The following PIK3R5 variants were observed in gnomAD, a reference collection of about 807,000 sequenced individuals.
PIK3R5 encodes the protein phosphoinositide-3-kinase regulatory subunit 5.
PIK3R5 carries 32 observed loss-of-function variants against 94.9 expected under a neutral mutation model. That is an observed-to-expected ratio of 0.34 (90% CI 0.25 to 0.45). The LOEUF (loss-of-function observed/expected upper bound fraction) is 0.45. Ranked by LOEUF, PIK3R5 falls within the 20% of genes least tolerant of loss-of-function variation. The pLI is 1.00. For missense variants in PIK3R5, 853 were observed against 1,144.6 expected (o/e 0.75, Z 3.68); for synonymous variants, 443 against 479.4 (o/e 0.92, Z 0.99).
Position 8,890,865 on chromosome 17 carries a change from G to T in PIK3R5, c.530C>A (p.Ala177Asp). 1 of 1,613,856 alleles carries T rather than the reference G, an allele frequency of 6.2e-7. No homozygotes were observed. The highest frequency in any genetic ancestry group is 1.3e-5 in the African/African-American group (1 of 75,074). Residue 177 changes from alanine to aspartate, a missense_variant, in exon 7 of 19, where the codon GCT (alanine) becomes GAT (aspartate). This residue lies in a region of PIK3R5 where 161 missense variants were observed against 249.5 expected (regional missense o/e 0.65). Coordinates refer to ENST00000447110, the MANE Select transcript of PIK3R5 (RefSeq NM_001142633.3). The surrounding 1 kb of genome is among the most constrained non-coding windows in gnomAD (Gnocchi z 6.1). ...GGGCGTACTCAGCTTATTGGCTACA[G>T]CAAGGAACTCGGCCTGCACTTCCAC... Reference protein sequence around the residue: ...NPVEVQAEFLAVANKLSTPGH... With the variant: ...NPVEVQAEFLDVANKLSTPGH...
intron 1 of PIK3R5, among the ~76,000 whole-genome samples, chr17:8,940,475 T>A (rs1461886799): frequency 6.6e-6 from 1 of 152,200 alleles, no homozygotes; most frequent in African/African-American, 2.4e-5. Flanking sequence ...AGCAGCCTTG[T>A]AACACTTTCC....
chr17:8,909,286 C>T lies in PIK3R5; in HGVS notation c.104-112G>A. On this transcript the variant is annotated intron_variant, in intron 2 of 18. Transcript: ENST00000447110. The surrounding 1 kb of genome is among the most constrained non-coding windows in gnomAD (Gnocchi z 4.3). ...TGGAACATTTTTCTGTGGTATTGCACTGGAACACTCTTTTTTTTTTTTGAG... is the reference window on the plus strand; with the variant it reads ...TGGAACATTTTTCTGTGGTATTGCATTGGAACACTCTTTTTTTTTTTTGAG... 1 of 645,254 alleles carries T rather than the reference C, an allele frequency of 1.5e-6. No homozygotes were observed. Among genetic ancestry groups the T allele is most frequent in the Non-Finnish European group, 2.7e-6 (1 of 365,926 alleles). The allele number at this position is 645,254 out of a possible 1,614,324, so 40.0% of individuals were successfully genotyped here.
At position 8,884,521 on chromosome 17, in the gene PIK3R5, A is replaced by G. The variant is rs547849987; in HGVS notation, c.2205+186T>C. Among the ~76,000 whole-genome samples the G allele has an allele frequency of 6.6e-6, 1 of 152,238 alleles. No homozygotes were observed. Among genetic ancestry groups the G allele is most frequent in the Admixed American group, 6.5e-5 (1 of 15,298 alleles). ...GGTGGGAGAGAGGCTTTGGAGGCCA[A>G]GAAGCACAGAGATATCCACTCCTTC... On this transcript the variant is annotated intron_variant, in intron 15 of 18. Transcript: ENST00000447110. The surrounding 1 kb of genome is among the most constrained non-coding windows in gnomAD (Gnocchi z 5.8).
Position 8,892,824 on chromosome 17 carries a change from C to T in PIK3R5, c.482+762G>A, listed in dbSNP as rs1399693249. ...CTATAATTTCTGAGGTGGTGAAGGC[C>T]GGGGTCCCTGGGCTCCCAACATGTC... On this transcript the variant is annotated intron_variant, in intron 6 of 18. Transcript: ENST00000447110. The surrounding 1 kb of genome is among the most constrained non-coding windows in gnomAD (Gnocchi z 4.3). Among the ~76,000 whole-genome samples, 2 of 152,050 alleles carry T rather than the reference C, an allele frequency of 1.3e-5. No individual in the cohort carries two copies. Among genetic ancestry groups the T allele is most frequent in the African/African-American group, 2.4e-5 (1 of 41,396 alleles).
chr17:8,908,110 A>G (rs1433094031), intron 3 of PIK3R5, among the ~76,000 whole-genome samples: 5 of 152,052 alleles, frequency 3.3e-5, no homozygotes, highest in Non-Finnish European at 5.9e-5. Context: ...TGCACACCAC[A>G]TGATTTAGAA....
Position 8,955,611 on chromosome 17 carries a change from G to A in PIK3R5, c.-14+9985C>T, listed in dbSNP as rs550258379. 4.9e-4 allele frequency among the ~76,000 whole-genome samples: 75 copies of A among 152,228 alleles called. 1 individual carries two copies. In the South Asian group the frequency reaches 0.015, roughly 30 times the overall value. On this transcript the variant is annotated intron_variant, in intron 1 of 18. Transcript: ENST00000447110. The surrounding 1 kb of genome is among the most constrained non-coding windows in gnomAD (Gnocchi z 4.4). ...AGAGGAAGAGCCTGTGGTCCAAAAG[G>A]CCCACCAGAGGCATATGGTAAATAA... is the stretch of plus-strand genomic sequence containing the variant.
rs2091054747 is a variant in PIK3R5 at position 8,935,389 on chromosome 17, C to G, written c.-13-23882G>C. On this transcript the variant is annotated intron_variant, in intron 1 of 18. Coordinates refer to ENST00000447110, the MANE Select transcript of PIK3R5 (RefSeq NM_001142633.3). The surrounding 1 kb of genome is among the most constrained non-coding windows in gnomAD (Gnocchi z 4.5). ...CTCTGGCTTCAAGGGGAAATCACGT[C>G]TATTGCAACGTCCCAGTGAGTCAGT... 6.6e-6 allele frequency among the ~76,000 whole-genome samples: 1 copy of G among 152,122 alleles called. No individual in the cohort carries two copies. The highest frequency in any genetic ancestry group is 2.4e-5 in the African/African-American group (1 of 41,408).
chr17:8,936,431 G>T (rs1597418668), intron 1 of PIK3R5, among the ~76,000 whole-genome samples: 1 of 152,130 alleles, frequency 6.6e-6, no homozygotes, highest in Non-Finnish European at 1.5e-5. Flanking sequence ...ACTCCCTCCA[G>T]CATCTGGTAG....
At chr17:8,891,210 G>A (rs413310) in intron 6 of PIK3R5, among the ~76,000 whole-genome samples, 24,604 of 152,140 alleles carry the variant, frequency 0.16, 2,409 homozygotes, top group African/African-American at 0.27. Flanking sequence ...TTATATAAAC[G>A]TTTTTTCCTA....
At chr17:8,965,318 G>C (rs944729796) in intron 1 of PIK3R5, among the ~76,000 whole-genome samples, 1 of 152,238 alleles carries the variant, frequency 6.6e-6, no homozygotes, top group African/African-American at 2.4e-5. Flanking sequence ...GGACACAGCT[G>C]CGCAGAGCCG....
In PIK3R5 at chr17:8,884,804, C is replaced by G; in HGVS notation, c.2129-21G>C. 1 of 1,609,884 alleles carries G rather than the reference C, an allele frequency of 6.2e-7. No homozygotes were observed. Among genetic ancestry groups the G allele is most frequent in the Non-Finnish European group, 8.5e-7 (1 of 1,177,866 alleles). On this transcript the variant is annotated intron_variant, in intron 14 of 18. Transcript: ENST00000447110. This position sits in a 1 kb window ranked among gnomAD's most constrained non-coding sequence, Gnocchi z 5.8. Reference sequence around the variant, plus strand: ...AGGACCTGTGCCACACACAGACAGACCCTTCACTACCCCTGGCTTCCCCGG... The same window carrying G: ...AGGACCTGTGCCACACACAGACAGAGCCTTCACTACCCCTGGCTTCCCCGG...
intron 3 of PIK3R5, 94 bp from the exon 4 acceptor site, chr17:8,905,831 CTTTT>C (rs578092015): frequency 8.0e-4 from 305 of 381,192 alleles, no homozygotes; most frequent in Middle Eastern, 2.7e-3. Flanking sequence ...TCTAGCCTTT[CTTTT>C]TTTTTTTTTT....
chr17:8,929,127 T>C (rs2012446930), intron 1 of PIK3R5, among the ~76,000 whole-genome samples: 1 of 152,098 alleles, frequency 6.6e-6, no homozygotes, highest in South Asian at 2.1e-4. Context: ...AAATAAAAAA[T>C]GAATTCTAAA....
In PIK3R5 at chr17:8,880,704, C is replaced by A; in HGVS notation, c.2578G>T (p.Ala860Ser). 1 of 1,613,936 alleles carries A rather than the reference C, an allele frequency of 6.2e-7. No individual in the cohort carries two copies. The highest frequency in any genetic ancestry group is 8.5e-7 in the Non-Finnish European group (1 of 1,179,930). ...PQTPPDLPAQ[A>S]APDLCSLLCL... ...AGAAGGGAGCAGAGATCAGGTGCGG[C>A]CTGGGCCGGCAGGTCAGGAGGCGTC... Residue 860 changes from alanine to serine, a missense_variant, in exon 19 of 19, where the codon GCC (alanine) becomes TCC (serine). This residue lies in a region of PIK3R5 where 91 missense variants were observed against 90.5 expected (regional missense o/e 1.01). Coordinates refer to ENST00000447110, the MANE Select transcript of PIK3R5 (RefSeq NM_001142633.3).
chr17:8,926,314 A>G (rs1187389567), intron 1 of PIK3R5, among the ~76,000 whole-genome samples: 3 of 152,216 alleles, frequency 2.0e-5, no homozygotes, highest in Non-Finnish European at 4.4e-5. Flanking sequence ...AGCTTTGCTC[A>G]GAAGAGCTGG....
In PIK3R5 at chr17:8,884,009, C is replaced by T. The variant is rs550258318; in HGVS notation, c.2205+698G>A. ...GTTTTATTGCTTTGTCATCACTTGCCGCTCTCTGGAATTATCTTGGCTATT... is the reference window on the plus strand; with the variant it reads ...GTTTTATTGCTTTGTCATCACTTGCTGCTCTCTGGAATTATCTTGGCTATT... On this transcript the variant is annotated intron_variant, in intron 15 of 18. Transcript: ENST00000447110. This position sits in a 1 kb window ranked among gnomAD's most constrained non-coding sequence, Gnocchi z 5.8. 8.6e-4 allele frequency among the ~76,000 whole-genome samples: 131 copies of T among 152,296 alleles called. 1 individual carries two copies. The highest frequency in any genetic ancestry group is 2.9e-3 in the African/African-American group (122 of 41,552).
At position 8,879,521 on chromosome 17, in the gene PIK3R5, G is replaced by C. The variant is rs1306345370; in HGVS notation, c.*1118C>G. The C allele has an allele frequency of 6.6e-6, 1 of 152,244 alleles. No individual in the cohort carries two copies. Among genetic ancestry groups the C allele is most frequent in the Non-Finnish European group, 1.5e-5 (1 of 68,086 alleles). 9.4% of individuals were successfully genotyped at this position (152,244 alleles called of 1,614,324 possible). On this transcript the variant is annotated 3_prime_UTR_variant, in exon 19 of 19. Transcript: ENST00000447110. This position sits in a 1 kb window ranked among gnomAD's most constrained non-coding sequence, Gnocchi z 4.4. ...GCGGATATGGAAGATTGTACACGCA[G>C]AGTGAGATGGGAGTGGGAGGGCCAA...
intron 1 of PIK3R5, among the ~76,000 whole-genome samples, chr17:8,943,996 A>G (rs12449519): frequency 0.52 from 79,120 of 151,466 alleles, 23,475 homozygotes; most frequent in Non-Finnish European, 0.66. Flanking sequence ...CCAGGTACTA[A>G]GCTTAGTACC....
At chr17:8,923,893 TCCCC>T (rs2090804933) in intron 1 of PIK3R5, among the ~76,000 whole-genome samples, 2 of 30,336 alleles carry the variant, frequency 6.6e-5, no homozygotes, top group African/African-American at 1.2e-4. Flanking sequence ...TCCCCTCCCC[TCCCC>T]TCCCCTCCCC....
Sources: gnomAD v4.1 joint callset for allele counts (sites outside exome capture counted in the v4.1 genomes callset) on GRCh38, gnomAD v4.1.1 for gene constraint, gnomAD v4.1.1 regional missense constraint, Gnocchi (gnomAD v3.1) non-coding constraint, MANE v1.5 for transcripts, NCBI Gene and HGNC (gene_info 2026-07-23, HGNC 2026-07-21) for gene names.